The following YAP1 variants were observed in gnomAD, a reference collection of about 807,000 sequenced individuals.
YAP1 encodes the protein Yes1 associated transcriptional regulator.
YAP1 carries 5 observed loss-of-function variants against 56.9 expected under a neutral mutation model. The observed-to-expected ratio is 0.09, with a 90% CI of 0.05 to 0.18. The LOEUF is 0.18. Among genes scored for constraint, YAP1 ranks in the 10% least tolerant of loss-of-function variants. The probability of loss-of-function intolerance (pLI) is 1.00; values close to 1 mark genes in which losing one functional copy is unlikely to be tolerated. For missense variants in YAP1, 539 were observed against 651.8 expected (o/e 0.83, Z 1.88); for synonymous variants, 265 against 248.1 (o/e 1.07, Z -0.64).
chr11:102,160,283 A>T (rs900779030), intron 2 of YAP1, among the ~76,000 whole-genome samples: 2 of 151,974 alleles, frequency 1.3e-5, no homozygotes, highest in African/African-American at 4.8e-5. Context: ...TTGGCCTCCC[A>T]AAGAGCTGGG....
chr11:102,171,180 C>G (rs560746016), intron 3 of YAP1, among the ~76,000 whole-genome samples: 2 of 152,244 alleles, frequency 1.3e-5, no homozygotes, highest in South Asian at 4.2e-4. Flanking sequence ...TAAGAACCAG[C>G]TCAAATGCCT....
chr11:102,187,178 G>A (rs532000447), intron 4 of YAP1, among the ~76,000 whole-genome samples: 11 of 152,148 alleles, frequency 7.2e-5, no homozygotes, highest in African/African-American at 2.4e-4. Context: ...CTTCTCCATC[G>A]GGAATATTAT....
chr11:102,140,928 G>A (rs896399255), intron 2 of YAP1, among the ~76,000 whole-genome samples: 2 of 152,056 alleles, frequency 1.3e-5, no homozygotes, highest in Non-Finnish European at 2.9e-5. Context: ...AACTGTGGCA[G>A]TTACAACTGA....
chr11:102,197,402 A>G (rs905378612), intron 4 of YAP1, among the ~76,000 whole-genome samples: 1 of 152,190 alleles, frequency 6.6e-6, no homozygotes, highest in Non-Finnish European at 1.5e-5. Context: ...CAGATCTGTA[A>G]TACATTGTTA....
chr11:102,173,389 TA>T (rs1346812843), intron 3 of YAP1, among the ~76,000 whole-genome samples: 1 of 152,184 alleles, frequency 6.6e-6, no homozygotes, highest in Non-Finnish European at 1.5e-5. Flanking sequence ...TGGTTTTCCC[TA>T]TTTTTATTAT....
chr11:102,204,244 A>T (rs1266525558), intron 4 of YAP1, among the ~76,000 whole-genome samples: 1 of 151,572 alleles, frequency 6.6e-6, no homozygotes, highest in African/African-American at 2.4e-5. Context: ...AAAAAAAAAA[A>T]GGTGTGCTAA....
chr11:102,226,510 C>G (rs1265537649), intron 7 of YAP1, among the ~76,000 whole-genome samples: 1 of 152,156 alleles, frequency 6.6e-6, no homozygotes, highest in Non-Finnish European at 1.5e-5. Context: ...CTCACACAGA[C>G]CATTGAAGAA....
At chr11:102,142,570 A>G (rs748668984) in intron 2 of YAP1, among the ~76,000 whole-genome samples, 1 of 152,216 alleles carries the variant, frequency 6.6e-6, no homozygotes, top group Non-Finnish European at 1.5e-5. Flanking sequence ...GAGCCATGGC[A>G]TAGCCAGACA....
At position 102,209,151 on chromosome 11, in the gene YAP1, C is replaced by T. The variant is rs1949268619; in HGVS notation, c.985-366C>T. The stretch of plus-strand genomic sequence containing the variant: ...ACAATAAATTCAGTATATCTTAAGT[C>T]TTTTGGCTTCCTGTGAACTTCTTCC... On this transcript the variant is annotated intron_variant, in intron 5 of 8. Coordinates refer to ENST00000282441, the MANE Select transcript of YAP1 (RefSeq NM_001130145.3). Among the ~76,000 whole-genome samples, 3 of 152,136 alleles carry T rather than the reference C, an allele frequency of 2.0e-5. No homozygotes were observed. The South Asian group carries it at 6.2e-4, about 31-fold the overall frequency.
At chr11:102,175,155 T>C (rs1487614119) in intron 3 of YAP1, among the ~76,000 whole-genome samples, 1 of 152,090 alleles carries the variant, frequency 6.6e-6, no homozygotes, top group Admixed American at 6.5e-5. Flanking sequence ...GTATCATTAG[T>C]TTGGGAGGCC....
At chr11:102,172,254 A>G (rs1946947203) in intron 3 of YAP1, among the ~76,000 whole-genome samples, 2 of 149,600 alleles carry the variant, frequency 1.3e-5, no homozygotes, top group Non-Finnish European at 3.0e-5. Flanking sequence ...GAAAGTAGAG[A>G]GAGAGGAACA....
chr11:102,216,772 C>G (rs186315673), intron 6 of YAP1, among the ~76,000 whole-genome samples: 27 of 152,224 alleles, frequency 1.8e-4, no homozygotes, highest in Admixed American at 5.2e-4. Context: ...TCTGTTTTCC[C>G]AAAGGTAACT....
chr11:102,127,667 A>G (rs1944114762), intron 2 of YAP1, among the ~76,000 whole-genome samples: 3 of 152,140 alleles, frequency 2.0e-5, no homozygotes, highest in African/African-American at 4.8e-5. Flanking sequence ...GGCACTGCCT[A>G]GTGGAGCTGT....
At chr11:102,123,622 G>A (rs1353179777) in intron 2 of YAP1, among the ~76,000 whole-genome samples, 1 of 142,090 alleles carries the variant, frequency 7.0e-6, no homozygotes, top group Non-Finnish European at 1.5e-5. Context: ...GCATTACTCC[G>A]TTTTCTTTTC....
At chr11:102,155,237 C>T (rs985648496) in intron 2 of YAP1, among the ~76,000 whole-genome samples, 16 of 152,050 alleles carry the variant, frequency 1.1e-4, no homozygotes, top group African/African-American at 1.7e-4. Flanking sequence ...TGACATCTAA[C>T]GAATAATGAA....
In YAP1 at chr11:102,229,708, C is replaced by A; in HGVS notation, c.1283C>A (p.Thr428Asn). Residue 428 changes from threonine to asparagine, a missense_variant, in exon 9 of 9, where the codon ACT becomes AAT. Thr to Asn is a moderately conservative substitution (Grantham distance 65). Transcript: ENST00000282441. ...NSVDEMDTGD[T>N]INQSTLPSQQ... ...CTCTGTGTGTTTCCACTAGGTGATA[C>A]TATCAACCAAAGCACCCTGCCCTCA... 6.2e-7 allele frequency: 1 copy of A among 1,613,938 alleles called. No homozygotes were observed. Among genetic ancestry groups the A allele is most frequent in the South Asian group, 1.1e-5 (1 of 91,062 alleles).
chr11:102,111,274 G>T, intron 1 of YAP1, 105 bp downstream of exon 1: 2 of 1,399,178 alleles, frequency 1.4e-6, no homozygotes, highest in African/African-American at 2.9e-5. Context: ...GGGGGGTTGC[G>T]GGAACTCTAG....
At chr11:102,205,827 TA>T in intron 4 of YAP1, 65 bp from the exon 5 acceptor site, 9 of 1,416,814 alleles carry the variant, frequency 6.4e-6, no homozygotes, top group Non-Finnish European at 8.4e-6. Context: ...TTTGAATAAT[TA>T]AATCATCATT....
chr11:102,140,454 C>T (rs1591200213), intron 2 of YAP1, among the ~76,000 whole-genome samples: 1 of 151,970 alleles, frequency 6.6e-6, no homozygotes, highest in Non-Finnish European at 1.5e-5. Flanking sequence ...TTCAGTACCC[C>T]CCATGCCAAC....
Sources: allele counts gnomAD v4.1 joint callset (sites outside exome capture counted in the v4.1 genomes callset), GRCh38; gene constraint gnomAD v4.1.1; transcripts MANE v1.5; gene names NCBI Gene and HGNC (gene_info 2026-07-23, HGNC 2026-07-21).